Variants in XCL2 observed in about 807,000 individuals in gnomAD.
XCL2 encodes cytokine SCM-1 beta.
Under a neutral mutation model 7.2 loss-of-function variants are expected in XCL2, and 8 were observed. The ratio of observed to expected loss-of-function variants is 1.10; its 90% confidence interval spans 0.65 to 1.99. The LOEUF (loss-of-function observed/expected upper bound fraction) is 1.99. Among genes scored for constraint, XCL2 ranks in the 30% most tolerant of loss-of-function variants. The pLI is 0.00. For synonymous variants in XCL2, 46 were observed against 54.2 expected (o/e 0.85, Z 0.67); for missense variants, 131 against 138.6 (o/e 0.94, Z 0.28).
chr1:168,540,894 T>C lies in XCL2; in HGVS notation c.*58A>G. 9.4e-6 allele frequency: 15 copies of C among 1,593,852 alleles called. No individual in the cohort carries two copies. Among genetic ancestry groups the C allele is most frequent in the East Asian group, 2.2e-5 (1 of 44,514 alleles). On this transcript the variant is annotated 3_prime_UTR_variant, in exon 3 of 3. Transcript: ENST00000367819. The stretch of plus-strand genomic sequence containing the variant: ...AAAAGGTGAGTATAATCTCAGTCCA[T>C]GAGGGTGTAAAGTGAAATGAGCTGG...
At chr1:168,541,453 T>C (rs1654280863) in intron 2 of XCL2, among the ~76,000 whole-genome samples, 1 of 149,928 alleles carries the variant, frequency 6.7e-6, no homozygotes, top group Non-Finnish European at 1.5e-5. Flanking sequence ...TTGAAAATAC[T>C]CATCTTATTT....
intron 1 of XCL2, chr1:168,542,661 T>A (rs1156767758): frequency 6.2e-6 from 1 of 160,344 alleles, no homozygotes; most frequent in African/African-American, 2.4e-5. Context: ...GGAAGCATGC[T>A]TTTGACTGAG....
chr1:168,542,238 G>A, intron 1 of XCL2, 131 bp from the exon 2 acceptor site: 5 of 585,510 alleles, frequency 8.5e-6, no homozygotes, highest in Non-Finnish European at 1.3e-5. Context: ...GGGGAAGAGA[G>A]GACTGATAGG....
intron 1 of XCL2, 109 bp from the exon 2 acceptor site, chr1:168,542,216 A>G: frequency 1.0e-6 from 1 of 977,524 alleles, no homozygotes; most frequent in Non-Finnish European, 1.4e-6. Flanking sequence ...ATATAAGGCC[A>G]TTTGCTTTTT....
chr1:168,543,243 T>G, intron 1 of XCL2: 1 of 206,268 alleles, frequency 4.8e-6, no homozygotes, highest in Non-Finnish European at 9.7e-6. Context: ...CTGGTTATCT[T>G]TCTGCCTGTC....
At chr1:168,541,279 C>T (rs1654275776) in intron 2 of XCL2, among the ~76,000 whole-genome samples, 159 bp from the exon 3 acceptor site, 1 of 152,128 alleles carries the variant, frequency 6.6e-6, no homozygotes, top group Non-Finnish European at 1.5e-5. Flanking sequence ...CCTTCTTCTG[C>T]CATCTATTTT....
intron 1 of XCL2, 103 bp downstream of exon 1, chr1:168,543,801 G>C (rs1348291878): frequency 6.4e-6 from 10 of 1,553,720 alleles, no homozygotes; most frequent in Non-Finnish European, 8.8e-6. Flanking sequence ...GGCTCCCCTG[G>C]AGACAGCAGT....
intron 2 of XCL2, among the ~76,000 whole-genome samples, chr1:168,541,343 T>G (rs1654277298): frequency 6.6e-6 from 1 of 152,174 alleles, no homozygotes; most frequent in African/African-American, 2.4e-5. Flanking sequence ...TTCACCATAA[T>G]TCACAGGCTC....
intron 2 of XCL2, among the ~76,000 whole-genome samples, chr1:168,541,582 G>T (rs1260640948): frequency 6.6e-6 from 1 of 152,116 alleles, no homozygotes; most frequent in Admixed American, 6.6e-5. Context: ...CATGTAGGTT[G>T]TGCATTGACT....
chr1:168,541,029 T>C lies in XCL2; in HGVS notation c.268A>G (p.Thr90Ala), dbSNP rs1314342696. 6.2e-7 allele frequency: 1 copy of C among 1,613,658 alleles called. No homozygotes were observed. Among genetic ancestry groups the C allele is most frequent in the East Asian group, 2.2e-5 (1 of 44,858 alleles). ...TTGGTCTGGATCATGTTATTTCTGG[T>C]GTTGGATTTCCTGTCCATGCTCCTG... The part of the protein sequence containing the change: ...VVRSMDRKSN[T>A]RNNMIQTKPT... Residue 90 changes from threonine (T) to alanine (A), a missense_variant, in exon 3 of 3, where the codon ACC (threonine) becomes GCC (alanine). By Grantham distance (58) the Thr-to-Ala change is moderately conservative (BLOSUM62 0). Coordinates refer to ENST00000367819, the MANE Select transcript of XCL2 (RefSeq NM_003175.4).
At position 168,543,145 on chromosome 1, in the gene XCL2, T is replaced by C. The variant is rs186259523; in HGVS notation, c.61+759A>G. 10 of 320,360 alleles carry C rather than the reference T, an allele frequency of 3.1e-5. 3 individuals are homozygous for C. Among genetic ancestry groups the C allele is most frequent in the Admixed American group, 1.9e-4 (4 of 20,604 alleles). The allele number at this position is 320,360 out of a possible 1,614,324, so 19.8% of individuals were successfully genotyped here. A position where few individuals can be genotyped will look rare whatever the true frequency, so the allele number is the denominator to read the frequency against. On this transcript the variant is annotated intron_variant, in intron 1 of 2. Transcript: ENST00000367819. Reference sequence around the variant, plus strand: ...TCCCCACTAGGAAATCACCTGTTCTTTGAGCAGGGGTTAACATCATCACCA... The same window carrying C: ...TCCCCACTAGGAAATCACCTGTTCTCTGAGCAGGGGTTAACATCATCACCA...
chr1:168,540,907 T>G lies in XCL2; in HGVS notation c.*45A>C. ...AATCTCAGTCCATGAGGGTGTAAAG[T>G]GAAATGAGCTGGCTGGCTGGAGACG... On this transcript the variant is annotated 3_prime_UTR_variant, in exon 3 of 3. Transcript: ENST00000367819. 1 of 1,604,000 alleles carries G rather than the reference T, an allele frequency of 6.2e-7. No individual in the cohort carries two copies. The highest frequency in any genetic ancestry group is 8.5e-7 in the Non-Finnish European group (1 of 1,172,950).
At position 168,543,899 on chromosome 1, in the gene XCL2, C is replaced by T; in HGVS notation, c.61+5G>A. 6.2e-7 allele frequency: 1 copy of T among 1,605,420 alleles called. No individual in the cohort carries two copies. Among genetic ancestry groups the T allele is most frequent in the Middle Eastern group, 1.7e-4 (1 of 6,032 alleles). ...CTTTATCTCACAGACAGCTTCTCCA[C>T]TTACCTTCCACAATGTATGCAGTGA... On this transcript the variant is annotated splice_donor_5th_base_variant and intron_variant, in intron 1 of 2. Transcript: ENST00000367819.
In XCL2 at chr1:168,542,058, G is replaced by C. The variant is rs776983840; in HGVS notation, c.111C>G (p.Thr37=). 2.3e-4 allele frequency: 363 copies of C among 1,584,300 alleles called. 2 individuals carry two copies. The East Asian group carries it at 8.2e-3, about 36-fold the overall frequency. The change falls in exon 2 of 3, where the codon ACC becomes ACG. Residue 37 remains threonine, a synonymous_variant. Coordinates refer to ENST00000367819, the MANE Select transcript of XCL2 (RefSeq NM_003175.4). ...TGATTCTGCTAACTGGCAGTCGCTG[G>C]GTAGTGAGGCTCACACAGGTCCTCC... ...SHRRTCVSLT[T]QRLPVSRIKT...
At chr1:168,543,524 C>A (rs528479192) in intron 1 of XCL2, among the ~76,000 whole-genome samples, 6 of 150,458 alleles carry the variant, frequency 4.0e-5, no homozygotes, top group Non-Finnish European at 5.9e-5. Flanking sequence ...TAACATTAAT[C>A]AAAAAATTAC....
At chr1:168,542,273 A>G (rs1011338894) in intron 1 of XCL2, among the ~76,000 whole-genome samples, 166 bp from the exon 2 acceptor site, 1 of 152,090 alleles carries the variant, frequency 6.6e-6, no homozygotes, top group Non-Finnish European at 1.5e-5. Context: ...TGCCCGTCAC[A>G]GATTCTTAGT....
chr1:168,541,128 G>T lies in XCL2; in HGVS notation c.177-8C>A, dbSNP rs112674394. ...CCACGTTTGGTAATAAAACTGTAAC[G>T]CAAGGAAAAGACAGATGAAGTTAGC... On this transcript the variant is annotated splice_region_variant and splice_polypyrimidine_tract_variant and intron_variant, in intron 2 of 2. Transcript: ENST00000367819. 8 of 1,613,068 alleles carry T rather than the reference G, an allele frequency of 5.0e-6. No homozygotes were observed. The highest frequency in any genetic ancestry group is 6.8e-6 in the Non-Finnish European group (8 of 1,179,350).
Position 168,540,846 on chromosome 1 carries a change from T to C in XCL2, c.*106A>G. 1.5e-6 allele frequency: 2 copies of C among 1,328,834 alleles called. No homozygotes were observed. Among genetic ancestry groups the C allele is most frequent in the Middle Eastern group, 4.3e-4 (2 of 4,608 alleles). The allele number at this position is 1,328,834 out of a possible 1,614,324, so 82.3% of individuals were successfully genotyped here. A position where few individuals can be genotyped will look rare whatever the true frequency, so the allele number is the denominator to read the frequency against. ...TAAAAGTAAAAATACAAAGGAATAA[T>C]TTTATTCATGCAGTGCTTTCATAAA... On this transcript the variant is annotated 3_prime_UTR_variant, in exon 3 of 3. Coordinates refer to ENST00000367819, the MANE Select transcript of XCL2 (RefSeq NM_003175.4).
intron 2 of XCL2, among the ~76,000 whole-genome samples, chr1:168,541,401 G>A (rs1473858363): frequency 6.6e-6 from 1 of 152,010 alleles, no homozygotes; most frequent in Non-Finnish European, 1.5e-5. Context: ...GACATTTGAG[G>A]CCATCTAGTT....
Sources: gnomAD v4.1 joint callset for allele counts (sites outside exome capture counted in the v4.1 genomes callset) on GRCh38, gnomAD v4.1.1 for gene constraint, MANE v1.5 for transcripts, NCBI Gene and HGNC (gene_info 2026-07-23, HGNC 2026-07-21) for gene names.